BCCIP: variants seen among roughly 807,000 people sequenced by gnomAD.
The protein encoded by BCCIP is BRCA2 and CDKN1A interacting protein.
BCCIP carries 23 observed loss-of-function variants against 32.8 expected under a neutral mutation model. That is an observed-to-expected ratio of 0.70 (90% CI 0.51 to 0.99). The LOEUF is 0.99. Ranked by LOEUF, BCCIP falls within the 50% of genes least tolerant of loss-of-function variation. BCCIP has a pLI of 0.00. For missense variants in BCCIP, 378 were observed against 379.8 expected, an observed-to-expected ratio of 1.00 and a Z score of 0.04; for synonymous variants, 144 against 137.6, an observed-to-expected ratio of 1.05 and a Z score of -0.33.
chr10:125,831,372 CTA>C, intron 4 of BCCIP, 46 bp from the exon 5 acceptor site: 1 of 1,573,238 alleles, frequency 6.4e-7, no homozygotes, highest in Non-Finnish European at 8.7e-7. Flanking sequence ...GTTTTGTCCT[CTA>C]TGTGATGGCT....
chr10:125,852,326 C>T (rs1333589680), intron 7 of BCCIP: 3 of 1,614,094 alleles, frequency 1.9e-6, no homozygotes, highest in Non-Finnish European at 2.5e-6. Context: ...TGGCCTAGGC[C>T]CGCAATGTCT....
intron 4 of BCCIP, 102 bp downstream of exon 4, chr10:125,830,753 A>C: frequency 1.4e-6 from 1 of 718,930 alleles, no homozygotes; most frequent in Middle Eastern, 2.8e-4. Flanking sequence ...AGTGATATTA[A>C]CTATAGGGAT....
At chr10:125,826,459 G>C in intron 1 of BCCIP, 132 bp from the exon 2 acceptor site, 1 of 1,379,222 alleles carries the variant, frequency 7.3e-7, no homozygotes, top group South Asian at 1.4e-5. Flanking sequence ...TCAGGCTTTT[G>C]TGTCACCTGA....
chr10:125,837,015 T>C (rs1465632924), downstream of BCCIP, among the ~76,000 whole-genome samples: 4 of 152,228 alleles, frequency 2.6e-5, no homozygotes, highest in Non-Finnish European at 5.9e-5. Flanking sequence ...GTAAAATAAA[T>C]ACTTTCTGTT....
In BCCIP at chr10:125,835,952, C is replaced by T. The variant is rs779311948; in HGVS notation, c.775-152C>T. 31 of 671,518 alleles carry T rather than the reference C, an allele frequency of 4.6e-5. 1 individual carries two copies. Among genetic ancestry groups the T allele is most frequent in the Middle Eastern group, 4.0e-4 (1 of 2,522 alleles). The allele number at this position is 671,518 out of a possible 1,614,324, so 41.6% of individuals were successfully genotyped here. ...TTTTATAACTTCTGCCTGAATGTCC[C>T]ATTTGAACTTTTTCAATTCTGAGTT... On this transcript the variant is annotated intron_variant, in intron 6 of 6. Transcript: ENST00000278100.
Position 125,836,427 on chromosome 10 carries a change from C to T in BCCIP, c.*153C>T, listed in dbSNP as rs1854686650. ...GTGTCTCTGACACATTTACAAAATACCAGTTTTTTAAAATTTTGGTCAAAT... is the reference window on the plus strand; with the variant it reads ...GTGTCTCTGACACATTTACAAAATATCAGTTTTTTAAAATTTTGGTCAAAT... On this transcript the variant is annotated 3_prime_UTR_variant, in exon 7 of 7. Transcript: ENST00000278100. 1 of 1,440,426 alleles carries T rather than the reference C, an allele frequency of 6.9e-7. No homozygotes were observed. The highest frequency in any genetic ancestry group is 1.4e-5 in the African/African-American group (1 of 69,262). The allele number at this position is 1,440,426 out of a possible 1,614,324, so 89.2% of individuals were successfully genotyped here. A position where few individuals can be genotyped will look rare whatever the true frequency, so the allele number is the denominator to read the frequency against.
In BCCIP at chr10:125,833,960, G is replaced by A; in HGVS notation, c.774+14G>A. On this transcript the variant is annotated intron_variant, in intron 6 of 6. Transcript: ENST00000278100. ...TTTTTCTATGAGGTAAGACTATCCT[G>A]CTTATTTGTTTAGATGTAAATAAGG... The A allele has an allele frequency of 6.2e-7, 1 of 1,611,322 alleles. No homozygotes were observed. Among genetic ancestry groups the A allele is most frequent in the East Asian group, 2.2e-5 (1 of 44,872 alleles).
rs1854577734 is a variant in BCCIP at position 125,833,658 on chromosome 10, C to T, written c.600-114C>T. The T allele has an allele frequency of 1.7e-5, 16 of 936,258 alleles. No homozygotes were observed. The South Asian group carries it at 2.5e-4, about 15-fold the overall frequency. The allele number at this position is 936,258 out of a possible 1,614,324, so 58.0% of individuals were successfully genotyped here. On this transcript the variant is annotated intron_variant, in intron 5 of 6. Transcript: ENST00000278100. ...TAGACTAAGTGTTCAGATTGAATGC[C>T]TGCGTCACAGCAGAACCCACTGAAG...
chr10:125,836,756 T>A, downstream of BCCIP: 1 of 1,614,218 alleles, frequency 6.2e-7, no homozygotes, highest in Non-Finnish European at 8.5e-7. Context: ...TATTCATTGT[T>A]GACACAGGGG....
At chr10:125,828,408 C>T (rs754097110) in intron 3 of BCCIP, among the ~76,000 whole-genome samples, 11 of 151,938 alleles carry the variant, frequency 7.2e-5, no homozygotes, top group East Asian at 3.9e-4. Context: ...ATTGAGATTG[C>T]GCAGGGAGGG....
At chr10:125,841,033 G>C, downstream of BCCIP, 1 of 1,578,580 alleles carries the variant, frequency 6.3e-7, no homozygotes, top group Non-Finnish European at 8.6e-7. Flanking sequence ...TAGCAATAAT[G>C]AAGACATTTT....
intron 6 of BCCIP, among the ~76,000 whole-genome samples, chr10:125,835,813 C>T (rs575411864): frequency 5.4e-4 from 83 of 152,320 alleles, no homozygotes; most frequent in African/African-American, 1.7e-3. Context: ...TTATGTTTCA[C>T]AAGATTATTT....
chr10:125,853,289 A>C, exon 8 of BCCIP: 1 of 1,153,788 alleles, frequency 8.7e-7, no homozygotes, highest in Non-Finnish European at 1.2e-6. Flanking sequence ...GGAGGGATAA[A>C]ACATCTCGGC....
At chr10:125,847,656 TTTA>T (rs943550264), downstream of BCCIP, among the ~76,000 whole-genome samples, 13 of 152,314 alleles carry the variant, frequency 8.5e-5, no homozygotes, top group African/African-American at 2.9e-4. Context: ...GCACTTTATT[TTTA>T]TTATTATTAC....
At chr10:125,834,003 T>A in intron 6 of BCCIP, 57 bp downstream of exon 6, 5 of 1,564,146 alleles carry the variant, frequency 3.2e-6, no homozygotes, top group Non-Finnish European at 4.4e-6. Context: ...TGAAAATGAT[T>A]TATCAAGATT....
At position 125,831,470 on chromosome 10, in the gene BCCIP, G is replaced by C. The variant is rs1451191762; in HGVS notation, c.462G>C (p.Glu154Asp). The part of the protein sequence containing the change: ...QIQELVLRFC[E>D]KNCEKSMVEQ... Reference sequence around the variant, plus strand: ...AAGAGTTGGTTCTACGCTTCTGTGAGAAGAACTGTGAAAAGAGCATGGTTG... The same window carrying C: ...AAGAGTTGGTTCTACGCTTCTGTGACAAGAACTGTGAAAAGAGCATGGTTG... Residue 154 changes from glutamate (E) to aspartate (D), a missense_variant, in exon 5 of 7, where the codon GAG becomes GAC. Physicochemically the swap from Glu to Asp is conservative, Grantham distance 45 (BLOSUM62 2). Transcript: ENST00000278100. The C allele has an allele frequency of 6.2e-7, 1 of 1,614,062 alleles. No homozygotes were observed. The highest frequency in any genetic ancestry group is 1.3e-5 in the African/African-American group (1 of 74,928).
chr10:125,834,914 C>T (rs1021200580), intron 6 of BCCIP, among the ~76,000 whole-genome samples: 32 of 151,682 alleles, frequency 2.1e-4, no homozygotes, highest in Non-Finnish European at 3.5e-4. Context: ...GGGTGGATCA[C>T]GAGGTCAGGA....
At chr10:125,845,719 T>C (rs1944008313), downstream of BCCIP, among the ~76,000 whole-genome samples, 1 of 152,220 alleles carries the variant, frequency 6.6e-6, no homozygotes. Context: ...CATTTTCAAC[T>C]CCCTGCCCAC....
In BCCIP at chr10:125,836,186, C is replaced by A. The variant is rs866314793; in HGVS notation, c.857C>A (p.Pro286Gln). 20 of 1,614,060 alleles carry A rather than the reference C, an allele frequency of 1.2e-5. No homozygotes were observed. The Middle Eastern group carries it at 1.3e-3, about 106-fold the overall frequency. Residue 286 changes from proline to glutamine, a missense_variant, in exon 7 of 7, where the codon CCA becomes CAA. Physicochemically the swap from Pro to Gln is moderately conservative, Grantham distance 76. Coordinates refer to ENST00000278100, the MANE Select transcript of BCCIP (RefSeq NM_078468.3). ...GGCAAATGGTCTTTTGATGACGTAC[C>A]AATGACGCCCTTGCGAACTGTGATG... ...LGGKWSFDDVPMTPLRTVMLI... is the reference protein window; with the variant it reads ...LGGKWSFDDVQMTPLRTVMLI...
Sources: gnomAD v4.1 joint callset for allele counts (sites outside exome capture counted in the v4.1 genomes callset) on GRCh38, gnomAD v4.1.1 for gene constraint, MANE v1.5 for transcripts, NCBI Gene and HGNC (gene_info 2026-07-23, HGNC 2026-07-21) for gene names.